Variants in LIMCH1 observed in about 807,000 individuals in gnomAD.
The protein encoded by LIMCH1 is LIM and calponin homology domains 1.
LIMCH1 carries 113 observed loss-of-function variants against 176.5 expected under a neutral mutation model. That is an observed-to-expected ratio of 0.64 (90% CI 0.55 to 0.75). LIMCH1 has a LOEUF of 0.75. LIMCH1 is among the 30% of genes least tolerant of loss of function. The pLI, the probability that LIMCH1 is intolerant of heterozygous loss-of-function variation, is 0.00. For missense variants in LIMCH1, 1,674 were observed against 1,814.9 expected, an observed-to-expected ratio of 0.92 and a Z score of 1.41; for synonymous variants, 619 against 645.9, an observed-to-expected ratio of 0.96 and a Z score of 0.63.
chr4:41,460,652 AG>A (rs553630918), intron 1 of LIMCH1, among the ~76,000 whole-genome samples: 1 of 152,234 alleles, frequency 6.6e-6, no homozygotes, highest in African/African-American at 2.4e-5. Context: ...AAGGCATAAA[AG>A]CCCGAAAGAG....
chr4:41,450,131 C>T lies in LIMCH1; in HGVS notation c.97-44405C>T, dbSNP rs540707016. ...GACTTCATATGAGTTTGCAGAGTGG[C>T]GCACAATTCAGTCCATAACATTTGA... On this transcript the variant is annotated intron_variant, in intron 1 of 26. Transcript: ENST00000313860. Among the ~76,000 whole-genome samples the T allele has an allele frequency of 1.6e-4, 24 of 152,076 alleles. 1 individual carries two copies. The highest frequency in any genetic ancestry group is 4.2e-4 in the South Asian group (2 of 4,818).
At chr4:41,545,121 G>A (rs1263778963) in intron 1 of LIMCH1, among the ~76,000 whole-genome samples, 2 of 152,112 alleles carry the variant, frequency 1.3e-5, no homozygotes, top group Non-Finnish European at 2.9e-5. Context: ...TCTGTTCTTT[G>A]TACTCAAATT....
At chr4:41,411,649 A>T (rs575733996) in intron 1 of LIMCH1, among the ~76,000 whole-genome samples, 12 of 149,192 alleles carry the variant, frequency 8.0e-5, no homozygotes, top group African/African-American at 2.9e-4. Context: ...CTGCCAATGG[A>T]CTCAGCTTTT....
intron 1 of LIMCH1, among the ~76,000 whole-genome samples, chr4:41,588,240 A>G (rs1374226404): frequency 6.6e-6 from 1 of 152,144 alleles, no homozygotes; most frequent in Non-Finnish European, 1.5e-5. Flanking sequence ...ATTCTTTTTA[A>G]AAAATAATTT....
At chr4:41,676,103 A>G (rs1041875654) in intron 22 of LIMCH1, among the ~76,000 whole-genome samples, 2 of 152,256 alleles carry the variant, frequency 1.3e-5, no homozygotes, top group African/African-American at 4.8e-5. Context: ...TCTAAGAGAA[A>G]TGAAGCAAAG....
chr4:41,519,701 C>G (rs1260810404), intron 2 of LIMCH1, among the ~76,000 whole-genome samples: 1 of 152,142 alleles, frequency 6.6e-6, no homozygotes, highest in Non-Finnish European at 1.5e-5. Flanking sequence ...CTTGCAGTTA[C>G]CTAGCTAAAA....
In LIMCH1 at chr4:41,419,693, T is replaced by TTCC. The variant is rs1469081491; in HGVS notation, c.96+58759_96+58761dup. On this transcript the variant is annotated intron_variant, in intron 1 of 26. Transcript: ENST00000313860. ...CCTTCCTTCCTTCCTCCTTCCTTCC[T>TTCC]TCCTTCCTTCCTTCCTTCCTTCCTT... 4.6e-3 allele frequency among the ~76,000 whole-genome samples: 373 copies of TTCC among 81,542 alleles called. 57 individuals are homozygous for TTCC. Among genetic ancestry groups the TTCC allele is most frequent in the African/African-American group, 0.028 (353 of 12,484 alleles). 53.5% of individuals were successfully genotyped at this position (81,542 alleles called of 152,430 possible).
At chr4:41,683,998 A>G (rs1486322583) in intron 26 of LIMCH1, among the ~76,000 whole-genome samples, 2 of 152,140 alleles carry the variant, frequency 1.3e-5, no homozygotes, top group Non-Finnish European at 2.9e-5. Context: ...CTTTCCTTTT[A>G]TCTCCTCCAT....
chr4:41,650,005 C>T (rs1177687678), intron 17 of LIMCH1, among the ~76,000 whole-genome samples: 1 of 152,118 alleles, frequency 6.6e-6, no homozygotes, highest in Non-Finnish European at 1.5e-5. Context: ...TATATGCTAT[C>T]CAGAAAAACA....
chr4:41,435,828 T>C (rs2062023751), intron 1 of LIMCH1, among the ~76,000 whole-genome samples: 1 of 152,220 alleles, frequency 6.6e-6, no homozygotes. Flanking sequence ...GAAGTTTATA[T>C]ACAGAGTAAG....
At chr4:41,677,629 ATT>A (rs1262201361) in intron 23 of LIMCH1, among the ~76,000 whole-genome samples, 1 of 152,148 alleles carries the variant, frequency 6.6e-6, no homozygotes, top group Non-Finnish European at 1.5e-5. Flanking sequence ...AGTGCTTGAC[ATT>A]TTTACTTCAT....
At chr4:41,407,868 T>A (rs994702094) in intron 1 of LIMCH1, among the ~76,000 whole-genome samples, 3 of 152,174 alleles carry the variant, frequency 2.0e-5, no homozygotes, top group Admixed American at 6.6e-5. Flanking sequence ...GGGCTACTAG[T>A]GCTCTGGACA....
chr4:41,413,849 G>T (rs1455388934), intron 1 of LIMCH1, among the ~76,000 whole-genome samples: 4 of 152,118 alleles, frequency 2.6e-5, no homozygotes, highest in Non-Finnish European at 1.5e-5. Flanking sequence ...ACTAGCAGAG[G>T]TTCCTGTGGT....
chr4:41,486,998 AC>A (rs2069706802), intron 1 of LIMCH1, among the ~76,000 whole-genome samples: 2 of 151,180 alleles, frequency 1.3e-5, no homozygotes, highest in African/African-American at 4.9e-5. Context: ...ACACACACAC[AC>A]ACATATATAT....
chr4:41,642,166 C>T (rs1290608227), intron 14 of LIMCH1, among the ~76,000 whole-genome samples: 2 of 152,160 alleles, frequency 1.3e-5, no homozygotes, highest in Admixed American at 6.5e-5. Flanking sequence ...ATGAAGGGAC[C>T]TCTTTTCTCT....
At chr4:41,512,271 G>A (rs185919379) in intron 2 of LIMCH1, among the ~76,000 whole-genome samples, 6 of 152,290 alleles carry the variant, frequency 3.9e-5, no homozygotes, top group Admixed American at 3.9e-4. Flanking sequence ...GGCATGATGT[G>A]GAGAAATGAG....
intron 1 of LIMCH1, among the ~76,000 whole-genome samples, chr4:41,390,265 A>AGAGAGAGAGAGAGC (rs2057064783): frequency 6.6e-6 from 1 of 151,274 alleles, no homozygotes; most frequent in Non-Finnish European, 1.5e-5. Flanking sequence ...AGAGAGAGAG[A>AGAGAGAGAGAGAGC]GAGAGAGAGC....
intron 7 of LIMCH1, among the ~76,000 whole-genome samples, chr4:41,623,474 T>C (rs2092724434): frequency 6.6e-6 from 1 of 152,188 alleles, no homozygotes; most frequent in African/African-American, 2.4e-5. Context: ...AACACCTTGC[T>C]AGGCTGGGTG....
intron 1 of LIMCH1, among the ~76,000 whole-genome samples, chr4:41,395,229 A>ATTTTTT (rs757933680): frequency 7.6e-6 from 1 of 130,912 alleles, no homozygotes; most frequent in Non-Finnish European, 1.6e-5. Context: ...GTAGAAGTTA[A>ATTTTTT]TTTTTTTTTT....
Sources: gnomAD v4.1 joint callset for allele counts (sites outside exome capture counted in the v4.1 genomes callset) on GRCh38, gnomAD v4.1.1 for gene constraint, MANE v1.5 for transcripts, NCBI Gene and HGNC (gene_info 2026-07-23, HGNC 2026-07-21) for gene names.